DMD: variants seen among roughly 807,000 people sequenced by gnomAD.
The protein encoded by DMD is mutant dystrophin.
A neutral mutation model predicts 330.1 loss-of-function variants in DMD; 63 were observed. The ratio of observed to expected loss-of-function variants is 0.19; its 90% CI spans 0.16 to 0.24. DMD has a LOEUF of 0.24. Ranked by LOEUF, DMD falls within the 10% of genes least tolerant of loss-of-function variation. The pLI, the probability that DMD is intolerant of heterozygous loss-of-function variation, is 1.00. For synonymous variants in DMD, 1,223 were observed against 959.8 expected (o/e 1.27, Z -5.07); for missense variants, 3,344 against 2,684.1 (o/e 1.25, Z -5.43).
intron 26 of DMD, among the ~76,000 whole-genome samples, chrX:32,453,434 T>C (rs925509991): frequency 9.0e-6 from 1 of 111,225 alleles, no homozygotes; most frequent in Admixed American, 9.6e-5. Context: ...ATATTAGATA[T>C]TTACTTTCAA....
chrX:32,445,789 A>G (rs1050713771), intron 27 of DMD, among the ~76,000 whole-genome samples: 2 of 111,323 alleles, frequency 1.8e-5, no homozygotes, highest in Admixed American at 1.9e-4. Flanking sequence ...GAAGAAAACC[A>G]TAACAAAGAA....
intron 7 of DMD, among the ~76,000 whole-genome samples, chrX:32,800,859 T>A (rs759052121): frequency 2.7e-5 from 3 of 111,272 alleles, no homozygotes; most frequent in Non-Finnish European, 1.9e-5. Context: ...TTCATCCACA[T>A]CCCTGCAAAG....
intron 60 of DMD, among the ~76,000 whole-genome samples, chrX:31,425,515 A>G (rs1031388175): frequency 9.0e-6 from 1 of 111,648 alleles, no homozygotes; most frequent in African/African-American, 3.3e-5. Context: ...CAAAGGACAC[A>G]GCTCTGAGGA....
intron 74 of DMD, among the ~76,000 whole-genome samples, chrX:31,165,779 G>A (rs192675007): frequency 7.1e-4 from 79 of 112,004 alleles, no homozygotes; most frequent in Non-Finnish European, 1.3e-3. Context: ...ATGCAGAAGC[G>A]AAATATTAAA....
chrX:33,166,837 T>C (rs974239264), intron 1 of DMD, among the ~76,000 whole-genome samples: 2 of 110,129 alleles, frequency 1.8e-5, no homozygotes, highest in African/African-American at 6.6e-5. Context: ...TTAAACTGTC[T>C]AGGCTGCCTT....
intron 29 of DMD, among the ~76,000 whole-genome samples, chrX:32,426,605 C>T (rs982800922): frequency 4.5e-5 from 5 of 111,314 alleles, no homozygotes; most frequent in East Asian, 2.8e-4. Context: ...ACCCCATTAC[C>T]GGGTGTATAG....
At chrX:32,909,257 C>A (rs2087011785) in intron 2 of DMD, among the ~76,000 whole-genome samples, 2 of 109,954 alleles carry the variant, frequency 1.8e-5, no homozygotes, top group Non-Finnish European at 3.8e-5. Context: ...TAGTTCACTG[C>A]TATAAGAATT....
At chrX:32,488,628 G>A (rs1158491721) in intron 20 of DMD, among the ~76,000 whole-genome samples, 1 of 111,750 alleles carries the variant, frequency 8.9e-6, no homozygotes, top group East Asian at 2.8e-4. Flanking sequence ...CTGAGAGAAA[G>A]AGTAAGGGGT....
chrX:31,643,796 GAAT>G (rs2079920792), intron 54 of DMD, among the ~76,000 whole-genome samples: 1 of 111,700 alleles, frequency 9.0e-6, no homozygotes, highest in South Asian at 3.7e-4. Flanking sequence ...GATATTAATA[GAAT>G]ATTATGCCTT....
chrX:32,191,060 T>G (rs990514643), intron 44 of DMD, among the ~76,000 whole-genome samples: 2 of 110,782 alleles, frequency 1.8e-5, no homozygotes, highest in African/African-American at 6.6e-5. Flanking sequence ...AGGTCCCAAT[T>G]TTTCATTATC....
intron 7 of DMD, among the ~76,000 whole-genome samples, chrX:32,769,732 T>C (rs939136859): frequency 9.0e-6 from 1 of 110,953 alleles, no homozygotes; most frequent in Non-Finnish European, 1.9e-5. Context: ...TCACCTCAAA[T>C]TCTGTGGTAC....
intron 11 of DMD, among the ~76,000 whole-genome samples, chrX:32,626,641 T>A (rs1205785021): frequency 2.9e-5 from 3 of 104,098 alleles, no homozygotes. Flanking sequence ...TGTTTCAGCT[T>A]TTGTTTCATT....
intron 44 of DMD, among the ~76,000 whole-genome samples, chrX:32,004,377 T>C (rs140533974): frequency 0.016 from 1,772 of 111,865 alleles, 39 homozygotes; most frequent in African/African-American, 0.053. Context: ...TGAGATAGTT[T>C]TATAATAACA....
intron 17 of DMD, among the ~76,000 whole-genome samples, chrX:32,541,081 A>C (rs1277443397): frequency 8.9e-6 from 1 of 112,112 alleles, no homozygotes; most frequent in Non-Finnish European, 1.9e-5. Context: ...CAATAATACA[A>C]TCTAATTATA....
chrX:31,195,886 G>T (rs1394767025), intron 67 of DMD, among the ~76,000 whole-genome samples: 1 of 111,057 alleles, frequency 9.0e-6, no homozygotes, highest in Non-Finnish European at 1.9e-5. Flanking sequence ...AAGAAAGAAA[G>T]ATTTGGTCAT....
intron 37 of DMD, among the ~76,000 whole-genome samples, chrX:32,357,988 C>A (rs1490981212): frequency 9.1e-6 from 1 of 110,080 alleles, no homozygotes; most frequent in Non-Finnish European, 1.9e-5. Context: ...ATCTAGTATC[C>A]ATGAACACAT....
At chrX:32,630,330 T>C (rs570312004) in intron 11 of DMD, among the ~76,000 whole-genome samples, 1 of 111,568 alleles carries the variant, frequency 9.0e-6, no homozygotes, top group South Asian at 3.8e-4. Flanking sequence ...GTGATTTTTT[T>C]TTTTATATGA....
chrX:33,115,588 T>C (rs1381427301), intron 1 of DMD, among the ~76,000 whole-genome samples: 2 of 107,977 alleles, frequency 1.9e-5, no homozygotes, highest in African/African-American at 6.8e-5. Flanking sequence ...CTCGGCTCAC[T>C]GCAAGCTCCG....
At chrX:31,418,047 A>G (rs1569540097) in intron 60 of DMD, among the ~76,000 whole-genome samples, 1 of 110,161 alleles carries the variant, frequency 9.1e-6, no homozygotes, top group Non-Finnish European at 1.9e-5. Context: ...AAAAAAAAAA[A>G]GAATGCTGGC....
Sources: allele counts gnomAD v4.1 joint callset (sites outside exome capture counted in the v4.1 genomes callset), GRCh38; gene constraint gnomAD v4.1.1; transcripts MANE v1.5; gene names NCBI Gene and HGNC (gene_info 2026-07-23, HGNC 2026-07-21).